Variants in CSMD1 observed in about 807,000 individuals in gnomAD.
CSMD1 encodes CUB and Sushi multiple domains 1.
In CSMD1, 213 loss-of-function variants were observed where a neutral mutation model predicts 417.5. The observed-to-expected ratio is 0.51, with a 90% CI of 0.46 to 0.57. The LOEUF (loss-of-function observed/expected upper bound fraction) is 0.57, where lower values mean the gene tolerates loss of function less well. Among genes scored for constraint, CSMD1 ranks in the 20% least tolerant of loss-of-function variants. The probability of loss-of-function intolerance (pLI) is 0.00; values close to 1 mark genes in which losing one functional copy is unlikely to be tolerated. For synonymous variants in CSMD1, 2,862 were observed against 1,736.8 expected (o/e 1.65, Z -16.11); for missense variants, 6,923 against 4,529.7 (o/e 1.53, Z -15.17).
intron 1 of CSMD1, among the ~76,000 whole-genome samples, chr8:4,758,067 C>T (rs1282300311): frequency 6.6e-6 from 1 of 151,858 alleles, no homozygotes; most frequent in African/African-American, 2.4e-5. Context: ...CTTCTCTCTG[C>T]GTTACTTTTC....
At chr8:3,802,610 T>C (rs1165852184) in intron 5 of CSMD1, among the ~76,000 whole-genome samples, 1 of 152,186 alleles carries the variant, frequency 6.6e-6, no homozygotes, top group Non-Finnish European at 1.5e-5. Context: ...CACCAACTGT[T>C]TATATAATTT....
At chr8:4,360,415 T>A (rs1042996042) in intron 3 of CSMD1, among the ~76,000 whole-genome samples, 3 of 152,162 alleles carry the variant, frequency 2.0e-5, no homozygotes, top group Non-Finnish European at 4.4e-5. Context: ...ACAGTATTTG[T>A]GGAATTAATT....
rs748811179 is a variant in CSMD1 at position 3,199,754 on chromosome 8, C to A, written c.5154G>T (p.Lys1718Asn). The change falls in exon 33 of 70, where the codon AAG becomes AAT. Residue 1718 changes from lysine to asparagine, a missense_variant. Coordinates refer to ENST00000635120, the MANE Select transcript of CSMD1 (RefSeq NM_033225.6). The part of the protein sequence containing the change: ...SNQILLRFSA[K>N]SGASARGFHF... ...GGAAGCCGCGGGCAGAGGCACCGCT[C>A]TTTGCACTGAATCGGAGCAGAATTT... 11 of 1,589,120 alleles carry A rather than the reference C, an allele frequency of 6.9e-6. No individual in the cohort carries two copies. In the Admixed American group the frequency reaches 1.4e-4, roughly 20 times the overall value.
chr8:3,536,387 C>T (rs189062226), intron 10 of CSMD1, among the ~76,000 whole-genome samples: 45 of 152,318 alleles, frequency 3.0e-4, no homozygotes, highest in African/African-American at 7.9e-4. Context: ...ACCATTGATT[C>T]TACTACGTGC....
intron 3 of CSMD1, among the ~76,000 whole-genome samples, chr8:4,213,275 T>G (rs1800434990): frequency 6.6e-6 from 1 of 152,100 alleles, no homozygotes; most frequent in Non-Finnish European, 1.5e-5. Flanking sequence ...CGGGGTCCTG[T>G]CAGGTCTAAT....
intron 2 of CSMD1, among the ~76,000 whole-genome samples, chr8:4,441,752 T>C (rs1028177596): frequency 6.6e-6 from 1 of 152,184 alleles, no homozygotes; most frequent in Non-Finnish European, 1.5e-5. Context: ...AAATATTGCA[T>C]TGCAGTCCAT....
chr8:4,281,672 C>G (rs1319039883), intron 3 of CSMD1, among the ~76,000 whole-genome samples: 1 of 152,092 alleles, frequency 6.6e-6, no homozygotes, highest in Non-Finnish European at 1.5e-5. Flanking sequence ...TATATAGTAA[C>G]ATCTGTATGT....
rs367709824 is a variant in CSMD1 at position 4,419,550 on chromosome 8, G to C, written c.415+403C>G. On this transcript the variant is annotated intron_variant, in intron 3 of 69. Transcript: ENST00000635120. ...AAAAATTTCAGCTTTGACAACAAAA[G>C]TTCATTTAATGAAATTTCCTTTACT... 3.9e-5 allele frequency among the ~76,000 whole-genome samples: 6 copies of C among 152,092 alleles called. No individual in the cohort carries two copies. The East Asian group carries it at 9.7e-4, about 24-fold the overall frequency.
At chr8:3,932,280 C>T (rs1190998634) in intron 5 of CSMD1, among the ~76,000 whole-genome samples, 1 of 150,550 alleles carries the variant, frequency 6.6e-6, no homozygotes, top group Non-Finnish European at 1.5e-5. Flanking sequence ...GTTGAGAATT[C>T]TCAAGAAGTT....
intron 3 of CSMD1, among the ~76,000 whole-genome samples, chr8:4,155,433 G>A (rs113666397): frequency 8.5e-5 from 13 of 152,142 alleles, no homozygotes; most frequent in African/African-American, 3.1e-4. Flanking sequence ...TGTTTGGCAG[G>A]AACCTTGTTT....
chr8:4,051,283 A>C (rs991450591), intron 3 of CSMD1, among the ~76,000 whole-genome samples: 1 of 148,294 alleles, frequency 6.7e-6, no homozygotes, highest in Admixed American at 6.8e-5. Flanking sequence ...AGCCTGCACA[A>C]AAGCTCATCT....
intron 5 of CSMD1, among the ~76,000 whole-genome samples, chr8:3,913,533 C>T (rs1454120974): frequency 6.6e-6 from 1 of 152,030 alleles, no homozygotes; most frequent in Non-Finnish European, 1.5e-5. Context: ...TGGAGCGAGC[C>T]CTAGGTGCAA....
At chr8:3,306,946 C>CATATAAAAGAAA (rs1804905074) in intron 25 of CSMD1, among the ~76,000 whole-genome samples, 1 of 151,868 alleles carries the variant, frequency 6.6e-6, no homozygotes, top group Non-Finnish European at 1.5e-5. Flanking sequence ...TAAATGTTCA[C>CATATAAAAGAAA]ATCATTTTCT....
intron 2 of CSMD1, among the ~76,000 whole-genome samples, chr8:4,582,637 C>G (rs1034205825): frequency 6.6e-6 from 1 of 152,214 alleles, no homozygotes; most frequent in African/African-American, 2.4e-5. Context: ...AATGCACCAG[C>G]CCTCATAGTG....
At chr8:4,539,958 G>C (rs1406636581) in intron 2 of CSMD1, among the ~76,000 whole-genome samples, 4 of 152,104 alleles carry the variant, frequency 2.6e-5, no homozygotes, top group African/African-American at 9.7e-5. Context: ...ACTCCGCCCC[G>C]TCCAGGTGCT....
chr8:4,857,305 G>A (rs1475939792), intron 1 of CSMD1, among the ~76,000 whole-genome samples: 1 of 149,186 alleles, frequency 6.7e-6, no homozygotes, highest in South Asian at 2.2e-4. Context: ...ATGCCCACAA[G>A]AGAAAGCAGG....
At chr8:3,089,575 A>C (rs1814789210) in intron 48 of CSMD1, among the ~76,000 whole-genome samples, 4 of 152,220 alleles carry the variant, frequency 2.6e-5, no homozygotes, top group African/African-American at 9.6e-5. Context: ...CATGGGCTAG[A>C]GTTCCCTTGG....
chr8:3,073,403 T>C (rs541637164), intron 49 of CSMD1, among the ~76,000 whole-genome samples: 1 of 152,078 alleles, frequency 6.6e-6, no homozygotes, highest in African/African-American at 2.4e-5. Flanking sequence ...CTCAGAAAAC[T>C]GGGTAGCCAT....
chr8:4,337,110 G>A (rs1031989807), intron 3 of CSMD1, among the ~76,000 whole-genome samples: 4 of 152,098 alleles, frequency 2.6e-5, no homozygotes, highest in Non-Finnish European at 5.9e-5. Flanking sequence ...CCACGTACAG[G>A]AGACCGAAGC....
Sources: allele counts gnomAD v4.1 joint callset (sites outside exome capture counted in the v4.1 genomes callset), GRCh38; gene constraint gnomAD v4.1.1; transcripts MANE v1.5; gene names NCBI Gene and HGNC (gene_info 2026-07-23, HGNC 2026-07-21).